The following GMDS variants were observed in gnomAD, a reference collection of about 807,000 sequenced individuals.
GMDS encodes GDP-mannose 4,6-dehydratase, also known as GDP-mannose 4,6 dehydratase.
In GMDS, 20 loss-of-function variants were observed where a neutral mutation model predicts 49.9. The observed-to-expected ratio is 0.40, with a 90% CI of 0.28 to 0.58. The LOEUF (loss-of-function observed/expected upper bound fraction) is 0.58, where lower values mean the gene tolerates loss of function less well. GMDS is among the 20% of genes least tolerant of loss of function. The pLI is 0.42. For missense variants in GMDS, 362 were observed against 481.4 expected, an observed-to-expected ratio of 0.75 and a Z score of 2.32; for synonymous variants, 177 against 178.6, an observed-to-expected ratio of 0.99 and a Z score of 0.07.
intron 9 of GMDS, among the ~76,000 whole-genome samples, chr6:1,650,358 T>C (rs1477120804): frequency 1.3e-5 from 2 of 152,100 alleles, no homozygotes; most frequent in African/African-American, 4.8e-5. Flanking sequence ...TTTAAAGACA[T>C]AAGAGACTCC....
In GMDS at chr6:1,677,685, C is replaced by T. The variant is rs553603304; in HGVS notation, c.987+48731G>A. ...GCTGGAAACCATCATTCTGAGCAAACGATCGCAAGGACAGAAAACCAAGCA... is the reference window on the plus strand; with the variant it reads ...GCTGGAAACCATCATTCTGAGCAAATGATCGCAAGGACAGAAAACCAAGCA... On this transcript the variant is annotated intron_variant, in intron 9 of 10. Coordinates refer to ENST00000380815, the MANE Select transcript of GMDS (RefSeq NM_001500.4). 4.0e-5 allele frequency among the ~76,000 whole-genome samples: 6 copies of T among 151,438 alleles called. No individual in the cohort carries two copies. In the East Asian group the frequency reaches 5.8e-4, roughly 15 times the overall value.
At position 2,035,761 on chromosome 6, in the gene GMDS, A is replaced by T. The variant is rs991806851; in HGVS notation, c.346-74795T>A. ...GAGTGCAATGGTGCAATCTTAATTC[A>T]CTGCAACCTCTACCTCCCAAGTTCA... On this transcript the variant is annotated intron_variant, in intron 4 of 10. Transcript: ENST00000380815. Among the ~76,000 whole-genome samples, 5 of 152,108 alleles carry T rather than the reference A, an allele frequency of 3.3e-5. 1 individual carries two copies. The highest frequency in any genetic ancestry group is 1.3e-4 in the Admixed American group (2 of 15,262).
At chr6:2,156,327 C>G (rs1025048198) in intron 1 of GMDS, among the ~76,000 whole-genome samples, 1 of 152,070 alleles carries the variant, frequency 6.6e-6, no homozygotes, top group African/African-American at 2.4e-5. Context: ...ATTATCTCTA[C>G]GTCACTATCA....
At chr6:2,209,665 T>C (rs775338564) in intron 1 of GMDS, among the ~76,000 whole-genome samples, 8 of 152,126 alleles carry the variant, frequency 5.3e-5, no homozygotes, top group Non-Finnish European at 7.3e-5. Context: ...ATTTTACCTA[T>C]GTTTAGCATT....
Position 1,939,980 on chromosome 6 carries a change from A to G in GMDS, c.644-9750T>C, listed in dbSNP as rs538130476. Among the ~76,000 whole-genome samples the G allele has an allele frequency of 3.3e-5, 5 of 151,938 alleles. No homozygotes were observed. In the East Asian group the frequency reaches 9.7e-4, roughly 29 times the overall value. ...ACAGTTCTACTTACCACACTACACA[A>G]AATTACTTCTTTTTGACACCCTCTG... On this transcript the variant is annotated intron_variant, in intron 6 of 10. Transcript: ENST00000380815.
chr6:1,624,120 A>T lies in GMDS; in HGVS notation c.*49T>A, dbSNP rs770868153. 2 of 1,536,530 alleles carry T rather than the reference A, an allele frequency of 1.3e-6. No homozygotes were observed. Among genetic ancestry groups the T allele is most frequent in the Non-Finnish European group, 8.9e-7 (1 of 1,121,670 alleles). On this transcript the variant is annotated 3_prime_UTR_variant, in exon 11 of 11. Transcript: ENST00000380815. ...TCCCCGCAGCGCGTCTGCACCGGAG[A>T]CTCTGCGGGGATTGTAGCCGGAGGG... is the stretch of plus-strand genomic sequence containing the variant.
chr6:2,032,635 C>T (rs1015582635), intron 4 of GMDS, among the ~76,000 whole-genome samples: 3 of 152,080 alleles, frequency 2.0e-5, no homozygotes, highest in African/African-American at 4.8e-5. Context: ...ACAAAGATGT[C>T]GGCCCTTAGA....
At chr6:1,650,710 G>C (rs565605382) in intron 9 of GMDS, among the ~76,000 whole-genome samples, 19 of 151,992 alleles carry the variant, frequency 1.3e-4, no homozygotes, top group South Asian at 1.0e-3. Context: ...CGAGTAGCTG[G>C]ATTACAGGTG....
Position 2,245,277 on chromosome 6 carries a change from T to C in GMDS, c.102+44A>G, listed in dbSNP as rs779020487. The C allele has an allele frequency of 2.7e-5, 35 of 1,294,892 alleles. No individual in the cohort carries two copies. The Admixed American group carries it at 4.0e-4, about 15-fold the overall frequency. 80.2% of individuals were successfully genotyped at this position (1,294,892 alleles called of 1,614,324 possible). ...TAGCGGCGCGTAGGGAGAGCACGCG[T>C]GCCCAGGCTGCCTCGGCCGGCGCGC... On this transcript the variant is annotated intron_variant, in intron 1 of 10. Transcript: ENST00000380815.
intron 7 of GMDS, among the ~76,000 whole-genome samples, chr6:1,768,595 C>T (rs1358065916): frequency 6.6e-6 from 1 of 152,202 alleles, no homozygotes; most frequent in Non-Finnish European, 1.5e-5. Flanking sequence ...ATCCAAAAAT[C>T]TGAAATCTGA....
chr6:1,975,335 T>C, intron 4 of GMDS, among the ~76,000 whole-genome samples: 1 of 152,126 alleles, frequency 6.6e-6, no homozygotes, highest in East Asian at 1.9e-4. Context: ...CCTTGACAAA[T>C]ACTGTAACAA....
intron 9 of GMDS, among the ~76,000 whole-genome samples, chr6:1,676,143 C>T (rs1237445570): frequency 6.6e-6 from 1 of 151,820 alleles, no homozygotes; most frequent in Non-Finnish European, 1.5e-5. Flanking sequence ...CAATAACAGA[C>T]AAACAGAGAG....
intron 4 of GMDS, among the ~76,000 whole-genome samples, chr6:1,999,963 A>AAAATT (rs1766596619): frequency 4.2e-5 from 1 of 23,924 alleles, no homozygotes; most frequent in African/African-American, 1.7e-4. Flanking sequence ...TGTATATTAT[A>AAAATT]TATATATTAT....
chr6:1,804,849 C>A (rs2113666556), intron 7 of GMDS, among the ~76,000 whole-genome samples: 1 of 152,244 alleles, frequency 6.6e-6, no homozygotes, highest in South Asian at 2.1e-4. Flanking sequence ...AGGCTAAAGT[C>A]ATCTCTGCCA....
At chr6:1,634,751 G>A in intron 9 of GMDS, among the ~76,000 whole-genome samples, 1 of 152,162 alleles carries the variant, frequency 6.6e-6, no homozygotes, top group East Asian at 1.9e-4. Context: ...GGCAAGAGCA[G>A]GGGAGAGACC....
intron 7 of GMDS, among the ~76,000 whole-genome samples, chr6:1,817,051 C>T (rs368303080): frequency 2.7e-5 from 4 of 148,156 alleles, no homozygotes; most frequent in Admixed American, 6.9e-5. Flanking sequence ...CTAAGAAAAG[C>T]GGCATGACTA....
intron 4 of GMDS, among the ~76,000 whole-genome samples, chr6:2,050,525 TTA>T (rs1770324419): frequency 6.6e-6 from 1 of 152,214 alleles, no homozygotes; most frequent in African/African-American, 2.4e-5. Context: ...CTAACTCATT[TTA>T]TGAGGCCAGC....
intron 7 of GMDS, among the ~76,000 whole-genome samples, chr6:1,817,725 C>T (rs1324480181): frequency 6.6e-6 from 1 of 152,094 alleles, no homozygotes; most frequent in Non-Finnish European, 1.5e-5. Flanking sequence ...TCAGGAGCAC[C>T]CCTTGGTTTG....
chr6:1,788,013 G>T (rs1325765933), intron 7 of GMDS, among the ~76,000 whole-genome samples: 1 of 152,154 alleles, frequency 6.6e-6, no homozygotes, highest in Non-Finnish European at 1.5e-5. Context: ...TGCCCACCGT[G>T]CAGCCTTGGC....
Sources: allele counts gnomAD v4.1 joint callset (sites outside exome capture counted in the v4.1 genomes callset), GRCh38; gene constraint gnomAD v4.1.1; transcripts MANE v1.5; gene names NCBI Gene and HGNC (gene_info 2026-07-23, HGNC 2026-07-21).